SELENOT: variants seen among roughly 807,000 people sequenced by gnomAD.
The protein encoded by SELENOT is thioredoxin reductase-like selenoprotein T.
SELENOT carries 9 observed loss-of-function variants against 24.3 expected under a neutral mutation model. The ratio of observed to expected loss-of-function variants is 0.37; its 90% CI spans 0.22 to 0.65. The LOEUF (loss-of-function observed/expected upper bound fraction) is 0.65. Ranked by LOEUF, SELENOT falls within the 30% of genes least tolerant of loss-of-function variation. SELENOT has a pLI of 0.60. For synonymous variants in SELENOT, 81 were observed against 86.0 expected, an observed-to-expected ratio of 0.94 and a Z score of 0.32; for missense variants, 166 against 247.6, an observed-to-expected ratio of 0.67 and a Z score of 2.21.
chr3:150,618,314 C>T (rs62284032), intron 1 of SELENOT, among the ~76,000 whole-genome samples: 2,436 of 152,158 alleles, frequency 0.016, 25 homozygotes, highest in Non-Finnish European at 0.028. Context: ...GTGAATCAAA[C>T]GAGAGAGTGA....
At chr3:150,610,058 T>A (rs1282536924) in intron 1 of SELENOT, among the ~76,000 whole-genome samples, 1 of 152,136 alleles carries the variant, frequency 6.6e-6, no homozygotes, top group Non-Finnish European at 1.5e-5. Context: ...TAGAAAAAAA[T>A]GAGGAACAGA....
intron 1 of SELENOT, among the ~76,000 whole-genome samples, chr3:150,621,134 A>G (rs1456773362): frequency 2.0e-5 from 3 of 152,228 alleles, no homozygotes; most frequent in Non-Finnish European, 4.4e-5. Flanking sequence ...TTGGAGATTC[A>G]TAAGTTCACT....
chr3:150,613,526 A>G (rs531572699), intron 1 of SELENOT, among the ~76,000 whole-genome samples: 1 of 152,252 alleles, frequency 6.6e-6, no homozygotes, highest in East Asian at 1.9e-4. Context: ...ACATTTTTTG[A>G]TTTGTTTCGT....
At chr3:150,611,843 C>T in intron 1 of SELENOT, 1 of 934,192 alleles carries the variant, frequency 1.1e-6, no homozygotes, top group Non-Finnish European at 1.6e-6. Context: ...ACTGCGGCTG[C>T]CGCCTCCCCA....
intron 1 of SELENOT, among the ~76,000 whole-genome samples, chr3:150,615,032 T>C (rs1246332404): frequency 8.1e-5 from 9 of 111,442 alleles, no homozygotes; most frequent in Admixed American, 7.5e-4. Flanking sequence ...CACCCCACAA[T>C]GGTCCCCAGA....
intron 1 of SELENOT, among the ~76,000 whole-genome samples, chr3:150,606,108 CAG>C (rs979708877): frequency 2.0e-5 from 3 of 150,930 alleles, no homozygotes; most frequent in Admixed American, 6.6e-5. Flanking sequence ...TAGCTTACGA[CAG>C]AGTTTCCTAT....
intron 1 of SELENOT, among the ~76,000 whole-genome samples, chr3:150,610,176 T>C (rs764352688): frequency 5.3e-5 from 8 of 152,228 alleles, no homozygotes; most frequent in Non-Finnish European, 1.0e-4. Flanking sequence ...CTTTTGAAGG[T>C]AGCTTAACTA....
intron 1 of SELENOT, among the ~76,000 whole-genome samples, chr3:150,607,443 A>G (rs934196670): frequency 6.6e-6 from 1 of 152,250 alleles, no homozygotes. Flanking sequence ...TGATATTTGC[A>G]TATTCAACAG....
chr3:150,604,764 C>T (rs1441753689), intron 1 of SELENOT, among the ~76,000 whole-genome samples: 6 of 152,186 alleles, frequency 3.9e-5, no homozygotes, highest in East Asian at 1.9e-4. Context: ...AGGCCGGGCT[C>T]GCTGGCTCAC....
At chr3:150,611,588 A>T (rs1452073802) in intron 1 of SELENOT, 3 of 1,304,464 alleles carry the variant, frequency 2.3e-6, no homozygotes, top group Non-Finnish European at 3.3e-6. Context: ...TGATAATCAC[A>T]TATGTAAAGA....
chr3:150,628,229 C>T lies in SELENOT; in HGVS notation c.*600C>T, dbSNP rs1327492901. On this transcript the variant is annotated 3_prime_UTR_variant, in exon 6 of 6. Coordinates refer to ENST00000471696, the MANE Select transcript of SELENOT (RefSeq NM_016275.5). ...AAATTTTTGTGTATGTGTGTATGTGCGTGTGATTACCAGAGAACTACTAAA... is the reference window on the plus strand; with the variant it reads ...AAATTTTTGTGTATGTGTGTATGTGTGTGTGATTACCAGAGAACTACTAAA... 2 of 152,340 alleles carry T rather than the reference C, an allele frequency of 1.3e-5. No individual in the cohort carries two copies. Among genetic ancestry groups the T allele is most frequent in the African/African-American group, 2.4e-5 (1 of 41,348 alleles). 9.4% of individuals were successfully genotyped at this position (152,340 alleles called of 1,614,324 possible).
At chr3:150,617,589 A>G (rs555312050) in intron 1 of SELENOT, among the ~76,000 whole-genome samples, 31 of 152,238 alleles carry the variant, frequency 2.0e-4, no homozygotes, top group African/African-American at 7.2e-4. Context: ...AATAAACCCA[A>G]TAAAGAAGCC....
At chr3:150,605,649 A>G (rs1380279226) in intron 1 of SELENOT, among the ~76,000 whole-genome samples, 2 of 151,486 alleles carry the variant, frequency 1.3e-5, no homozygotes, top group East Asian at 3.9e-4. Context: ...TTTTTTGTTT[A>G]ATCTGTAGAT....
rs1028879624 is a variant in SELENOT at position 150,622,528 on chromosome 3, A to G, written c.248+33A>G. On this transcript the variant is annotated intron_variant, in intron 2 of 5. Transcript: ENST00000471696. ...ATTTTAATAACTTAAAAGGAAAACA[A>G]TGTATTTGACTTTATAAGTGTTTGT... The G allele has an allele frequency of 4.5e-6, 5 of 1,108,014 alleles. No individual in the cohort carries two copies. The African/African-American group carries it at 6.4e-5, about 14-fold the overall frequency. The allele number at this position is 1,108,014 out of a possible 1,614,324, so 68.6% of individuals were successfully genotyped here. A position where few individuals can be genotyped will look rare whatever the true frequency, so the allele number is the denominator to read the frequency against.
intron 1 of SELENOT, among the ~76,000 whole-genome samples, chr3:150,621,373 G>A (rs1316170537): frequency 1.3e-5 from 2 of 151,972 alleles, no homozygotes; most frequent in Non-Finnish European, 2.9e-5. Flanking sequence ...TGGCTTGGTA[G>A]TAGTGGTTAT....
At chr3:150,627,228 T>C (rs1726465511) in intron 5 of SELENOT, 65 bp downstream of exon 5, 6 of 1,194,112 alleles carry the variant, frequency 5.0e-6, no homozygotes, top group Middle Eastern at 2.0e-4. Flanking sequence ...AGCAAGTTAG[T>C]AAATATTACA....
chr3:150,611,038 T>TG (rs1225387159), intron 1 of SELENOT, among the ~76,000 whole-genome samples: 99 of 152,048 alleles, frequency 6.5e-4, no homozygotes, highest in Middle Eastern at 3.4e-3. Flanking sequence ...TGTGTGTGTA[T>TG]TTGTTTTTGT....
intron 1 of SELENOT, among the ~76,000 whole-genome samples, chr3:150,612,038 A>G (rs1396748556): frequency 6.6e-6 from 1 of 151,370 alleles, no homozygotes; most frequent in Admixed American, 6.6e-5. Context: ...GAGGGCCGGG[A>G]CTCAGAGTCG....
chr3:150,624,206 CTCTT>C (rs1207284846), intron 3 of SELENOT, among the ~76,000 whole-genome samples: 1 of 152,000 alleles, frequency 6.6e-6, no homozygotes, highest in African/African-American at 2.4e-5. Flanking sequence ...GTAGGGAAAG[CTCTT>C]TCTCATCTGC....
Sources: gnomAD v4.1 joint callset for allele counts (sites outside exome capture counted in the v4.1 genomes callset) on GRCh38, gnomAD v4.1.1 for gene constraint, MANE v1.5 for transcripts, NCBI Gene and HGNC (gene_info 2026-07-23, HGNC 2026-07-21) for gene names.